Variants in SH3BP5 observed in about 807,000 individuals in gnomAD.
SH3BP5 encodes SH3 domain-binding protein 5.
A neutral mutation model predicts 43.3 loss-of-function variants in SH3BP5; 22 were observed. The ratio of observed to expected loss-of-function variants is 0.51; its 90% CI spans 0.36 to 0.73. SH3BP5 has a LOEUF of 0.73. Among genes scored for constraint, SH3BP5 ranks in the 30% least tolerant of loss-of-function variants. The pLI is 0.00. For synonymous variants in SH3BP5, 255 were observed against 225.8 expected (o/e 1.13, Z -1.16); for missense variants, 529 against 586.9 (o/e 0.90, Z 1.02).
chr3:15,262,292 T>TA lies in SH3BP5; in HGVS notation c.496-4dup. The TA allele has an allele frequency of 6.2e-7, 1 of 1,614,068 alleles. No individual in the cohort carries two copies. Among genetic ancestry groups the TA allele is most frequent in the South Asian group, 1.1e-5 (1 of 91,084 alleles). On this transcript the variant is annotated splice_region_variant and splice_polypyrimidine_tract_variant and intron_variant, in intron 4 of 8. Transcript: ENST00000383791. ...TTGGTCTGCTCCGCCTCCATGACCT[T>TA]AAAATGACAGCAGAGTTCAGCCCAG...
chr3:15,340,056 G>A (rs1698747943), intron 1 of SH3BP5, among the ~76,000 whole-genome samples: 1 of 152,130 alleles, frequency 6.6e-6, no homozygotes, highest in Non-Finnish European at 1.5e-5. Context: ...CCATGACCCA[G>A]CTTGGGTTAA....
At chr3:15,333,014 A>C, upstream of SH3BP5, 1 of 829,266 alleles carries the variant, frequency 1.2e-6, no homozygotes. Flanking sequence ...GGTTCCGTGC[A>C]CTGATGCATT....
chr3:15,331,421 T>A (rs1192414795), intron 1 of SH3BP5, among the ~76,000 whole-genome samples: 14 of 152,248 alleles, frequency 9.2e-5, no homozygotes, highest in African/African-American at 3.4e-4. Context: ...AAGCAATTTT[T>A]TTAAAAAAAT....
chr3:15,269,109 G>A (rs940414890), intron 4 of SH3BP5, among the ~76,000 whole-genome samples: 3 of 152,150 alleles, frequency 2.0e-5, no homozygotes, highest in African/African-American at 7.2e-5. Context: ...CAGTCAGAGA[G>A]GTGGTCATGA....
intron 2 of SH3BP5, among the ~76,000 whole-genome samples, chr3:15,310,649 G>A (rs893495849): frequency 3.9e-5 from 6 of 152,132 alleles, no homozygotes; most frequent in East Asian, 1.9e-4. Flanking sequence ...AAAAGAATCC[G>A]TTTACCATCC....
chr3:15,274,476 C>T (rs984536537), intron 3 of SH3BP5, among the ~76,000 whole-genome samples: 9 of 152,032 alleles, frequency 5.9e-5, no homozygotes, highest in African/African-American at 1.9e-4. Flanking sequence ...GGGGAAAGTG[C>T]TACACACTTT....
Position 15,294,290 on chromosome 3 carries a change from A to AGTGTGT in SH3BP5, c.330+9807_330+9812dup, listed in dbSNP as rs10522979. Among the ~76,000 whole-genome samples, 373 of 138,222 alleles carry AGTGTGT rather than the reference A, an allele frequency of 2.7e-3. 5 individuals carry two copies. The highest frequency in any genetic ancestry group is 0.018 in the Admixed American group (248 of 13,960). The allele number at this position is 138,222 out of a possible 152,430, so 90.7% of individuals were successfully genotyped here. On this transcript the variant is annotated intron_variant, in intron 3 of 8. Transcript: ENST00000383791. ...CCCAGTTTCTTCTTCTGCAAAAGTA[A>AGTGTGT]GTGTGTGTGTGTGTGTGTGTGTGTG...
chr3:15,286,293 A>C (rs1465681632), intron 3 of SH3BP5, among the ~76,000 whole-genome samples: 1 of 152,156 alleles, frequency 6.6e-6, no homozygotes, highest in East Asian at 1.9e-4. Context: ...AATCGGCACA[A>C]ACTGGTGTGG....
intron 3 of SH3BP5, chr3:15,273,206 T>C: frequency 3.0e-6 from 3 of 985,342 alleles, no homozygotes; most frequent in Non-Finnish European, 3.6e-6. Flanking sequence ...AATTTTTTAG[T>C]ATTTCAATTC....
At chr3:15,285,743 A>G (rs1007346768) in intron 3 of SH3BP5, among the ~76,000 whole-genome samples, 1 of 152,354 alleles carries the variant, frequency 6.6e-6, no homozygotes, top group Admixed American at 6.5e-5. Context: ...TCCAGTAGCC[A>G]GGAACATTGG....
At chr3:15,292,796 C>G (rs769987533) in intron 3 of SH3BP5, among the ~76,000 whole-genome samples, 2 of 151,656 alleles carry the variant, frequency 1.3e-5, no homozygotes, top group Admixed American at 1.3e-4. Flanking sequence ...TGTGGTGAGC[C>G]GAGATCACAC....
intron 2 of SH3BP5, among the ~76,000 whole-genome samples, chr3:15,313,970 T>C (rs1279566670): frequency 6.6e-6 from 1 of 151,826 alleles, no homozygotes; most frequent in African/African-American, 2.4e-5. Context: ...GGTGTGGCAC[T>C]GCATGCCTAT....
intron 3 of SH3BP5, among the ~76,000 whole-genome samples, chr3:15,302,532 C>G (rs1697780996): frequency 6.6e-6 from 1 of 152,150 alleles, no homozygotes; most frequent in African/African-American, 2.4e-5. Flanking sequence ...GAGCATAAAA[C>G]CCAAACACAC....
At chr3:15,256,594 A>G (rs890086229) in intron 8 of SH3BP5, 18 of 594,400 alleles carry the variant, frequency 3.0e-5, no homozygotes, top group Non-Finnish European at 5.3e-5. Flanking sequence ...AAACCTCTCT[A>G]CTATGTGCTT....
chr3:15,337,935 AAAG>A (rs1197060258), intron 1 of SH3BP5, among the ~76,000 whole-genome samples: 6 of 151,306 alleles, frequency 4.0e-5, no homozygotes, highest in African/African-American at 1.5e-4. Context: ...AAAAAAAAAA[AAAG>A]TGCCCCAAAG....
upstream of SH3BP5, chr3:15,332,602 G>T (rs371136376): frequency 4.6e-4 from 551 of 1,194,316 alleles, 4 homozygotes; most frequent in South Asian, 0.02. Context: ...GGGCGCGGCC[G>T]CCCCCTTTCT....
intron 3 of SH3BP5, among the ~76,000 whole-genome samples, chr3:15,285,863 G>A (rs750526376): frequency 6.6e-6 from 1 of 152,186 alleles, no homozygotes; most frequent in Admixed American, 6.5e-5. Context: ...TCACTGAAAC[G>A]TCAAACCCCT....
intron 4 of SH3BP5, among the ~76,000 whole-genome samples, chr3:15,267,543 C>G (rs1030758220): frequency 6.6e-6 from 1 of 152,220 alleles, no homozygotes; most frequent in South Asian, 2.1e-4. Context: ...GAGGTTGCCC[C>G]CAAGCCCAAG....
chr3:15,290,058 G>A (rs1377703129), intron 3 of SH3BP5, among the ~76,000 whole-genome samples: 1 of 152,140 alleles, frequency 6.6e-6, no homozygotes, highest in African/African-American at 2.4e-5. Context: ...TACACTTGGG[G>A]CTGACAGTGA....
Sources: gnomAD v4.1 joint callset for allele counts (sites outside exome capture counted in the v4.1 genomes callset) on GRCh38, gnomAD v4.1.1 for gene constraint, MANE v1.5 for transcripts, NCBI Gene and HGNC (gene_info 2026-07-23, HGNC 2026-07-21) for gene names.